TBC1D22A: variants seen among roughly 807,000 people sequenced by gnomAD.
TBC1D22A encodes putative GTPase activator.
In TBC1D22A, 38 loss-of-function variants were observed where a neutral mutation model predicts 60.2. The observed-to-expected ratio is 0.63, with a 90% CI of 0.49 to 0.83. TBC1D22A has a LOEUF of 0.83. Among genes scored for constraint, TBC1D22A ranks in the 40% least tolerant of loss-of-function variants. The pLI is 0.00. For synonymous variants in TBC1D22A, 302 were observed against 281.7 expected (o/e 1.07, Z -0.72); for missense variants, 628 against 701.0 (o/e 0.90, Z 1.18).
chr22:46,952,005 C>G (rs17762608), intron 8 of TBC1D22A, among the ~76,000 whole-genome samples: 8,542 of 152,204 alleles, frequency 0.056, 352 homozygotes, highest in Non-Finnish European at 0.088. Flanking sequence ...CTGTTTGTTA[C>G]GAGTTTTGTA....
chr22:46,806,256 G>A (rs897203502), intron 4 of TBC1D22A, among the ~76,000 whole-genome samples: 3 of 152,090 alleles, frequency 2.0e-5, no homozygotes, highest in South Asian at 4.1e-4. Context: ...TCTACAGAGT[G>A]CTGGGTGTAG....
intron 10 of TBC1D22A, among the ~76,000 whole-genome samples, chr22:47,002,529 C>G (rs1457736498): frequency 6.6e-6 from 1 of 152,198 alleles, no homozygotes; most frequent in Non-Finnish European, 1.5e-5. Flanking sequence ...GAACTTTTTT[C>G]AGTATTTTAA....
At chr22:46,906,656 C>G (rs919370310) in intron 7 of TBC1D22A, among the ~76,000 whole-genome samples, 1 of 152,204 alleles carries the variant, frequency 6.6e-6, no homozygotes, top group African/African-American at 2.4e-5. Flanking sequence ...CAGCTCTCCA[C>G]CTACGAGCAA....
chr22:47,104,260 A>G (rs1402253944), intron 11 of TBC1D22A, among the ~76,000 whole-genome samples: 2 of 152,120 alleles, frequency 1.3e-5, no homozygotes, highest in Admixed American at 6.5e-5. Context: ...GTCAGCCGAG[A>G]TCATGCAACT....
chr22:47,098,058 T>G (rs1433520996), intron 11 of TBC1D22A, among the ~76,000 whole-genome samples: 1 of 148,310 alleles, frequency 6.7e-6, no homozygotes, highest in Non-Finnish European at 1.5e-5. Flanking sequence ...CTGGACGTAG[T>G]AAAGAAAAAA....
intron 8 of TBC1D22A, among the ~76,000 whole-genome samples, chr22:46,950,712 G>A (rs1018490382): frequency 2.0e-5 from 3 of 152,184 alleles, no homozygotes; most frequent in Non-Finnish European, 4.4e-5. Context: ...GTAGATGTGC[G>A]CGAATGACGG....
At chr22:46,901,001 A>G (rs887253081) in intron 7 of TBC1D22A, among the ~76,000 whole-genome samples, 1 of 152,212 alleles carries the variant, frequency 6.6e-6, no homozygotes, top group Admixed American at 6.5e-5. Flanking sequence ...AAAATCATAA[A>G]TGGTTGTGGA....
chr22:46,934,207 G>A (rs890803145), intron 8 of TBC1D22A, among the ~76,000 whole-genome samples: 1 of 152,160 alleles, frequency 6.6e-6, no homozygotes, highest in African/African-American at 2.4e-5. Flanking sequence ...AGATAACTAA[G>A]GAATCTACTT....
intron 12 of TBC1D22A, among the ~76,000 whole-genome samples, chr22:47,137,382 G>A (rs561595112): frequency 6.6e-6 from 1 of 152,288 alleles, no homozygotes; most frequent in South Asian, 2.1e-4. Flanking sequence ...GAGCATGGTG[G>A]CGTCCCGGCC....
chr22:47,000,399 A>G (rs1371892052), intron 10 of TBC1D22A, among the ~76,000 whole-genome samples: 1 of 152,176 alleles, frequency 6.6e-6, no homozygotes, highest in East Asian at 1.9e-4. Flanking sequence ...TCTCAAAAGC[A>G]CTTCTGAGTA....
chr22:46,967,648 T>C (rs1166955743), intron 8 of TBC1D22A, among the ~76,000 whole-genome samples: 3 of 152,208 alleles, frequency 2.0e-5, no homozygotes, highest in Non-Finnish European at 4.4e-5. Flanking sequence ...CTGGAATTCT[T>C]TGAAATGAAA....
chr22:46,865,346 A>G (rs563083086), intron 4 of TBC1D22A, among the ~76,000 whole-genome samples: 6 of 152,336 alleles, frequency 3.9e-5, no homozygotes, highest in East Asian at 3.9e-4. Flanking sequence ...TGTCCTTGAC[A>G]TATACCTTAC....
intron 4 of TBC1D22A, among the ~76,000 whole-genome samples, chr22:46,809,444 C>G (rs899696872): frequency 6.6e-6 from 1 of 152,158 alleles, no homozygotes; most frequent in Non-Finnish European, 1.5e-5. Context: ...CTTCAACATA[C>G]GAATTTGAGG....
chr22:47,172,118 TGCCCAGTGA>T (rs995799519), intron 12 of TBC1D22A, among the ~76,000 whole-genome samples: 1 of 136,196 alleles, frequency 7.3e-6, no homozygotes, highest in Non-Finnish European at 1.7e-5. Flanking sequence ...TCACCCAGAG[TGCCCAGTGA>T]GCCCAGTGAG....
At chr22:46,845,896 C>A (rs1021093084) in intron 4 of TBC1D22A, among the ~76,000 whole-genome samples, 1 of 152,200 alleles carries the variant, frequency 6.6e-6, no homozygotes, top group Non-Finnish European at 1.5e-5. Context: ...GGAACCGCGG[C>A]GAGCCGATTC....
intron 8 of TBC1D22A, chr22:46,914,119 C>T (rs1352399346): frequency 6.6e-6 from 1 of 152,190 alleles, no homozygotes; most frequent in Non-Finnish European, 1.5e-5. Context: ...TTATTTCTGT[C>T]AGTCAACTAT....
chr22:47,054,798 G>A (rs1300742254), intron 11 of TBC1D22A, among the ~76,000 whole-genome samples: 3 of 152,214 alleles, frequency 2.0e-5, no homozygotes, highest in Admixed American at 6.5e-5. Flanking sequence ...TGTGGGGCAA[G>A]GGCGAGGGGC....
chr22:46,974,475 C>A (rs2148130922), intron 9 of TBC1D22A, 76 bp downstream of exon 9: 1 of 1,223,650 alleles, frequency 8.2e-7, no homozygotes, highest in Non-Finnish European at 1.2e-6. Flanking sequence ...CCTTAGGCTG[C>A]TCCTGAGTCT....
chr22:46,860,920 A>C (rs1228300613), intron 4 of TBC1D22A, among the ~76,000 whole-genome samples: 1 of 152,078 alleles, frequency 6.6e-6, no homozygotes, highest in Non-Finnish European at 1.5e-5. Flanking sequence ...CCTTTGGGGG[A>C]GGCTCTGCTC....
Sources: allele counts gnomAD v4.1 joint callset (sites outside exome capture counted in the v4.1 genomes callset), GRCh38; gene constraint gnomAD v4.1.1; transcripts MANE v1.5; gene names NCBI Gene and HGNC (gene_info 2026-07-23, HGNC 2026-07-21).